Variants in KCNIP4 observed in about 807,000 individuals in gnomAD.
KCNIP4 encodes the protein Kv channel-interacting protein 4.
Under a neutral mutation model 34.0 loss-of-function variants are expected in KCNIP4, and 12 were observed. The ratio of observed to expected loss-of-function variants is 0.35; its 90% CI spans 0.23 to 0.57. The LOEUF (loss-of-function observed/expected upper bound fraction) is 0.57, where lower values mean the gene tolerates loss of function less well. KCNIP4 is among the 20% of genes least tolerant of loss of function. The pLI, the probability that KCNIP4 is intolerant of heterozygous loss-of-function variation, is 0.83. For synonymous variants in KCNIP4, 124 were observed against 102.2 expected (o/e 1.21, Z -1.29); for missense variants, 238 against 311.7 (o/e 0.76, Z 1.78).
chr4:21,357,669 A>G (rs1185794823), intron 1 of KCNIP4, among the ~76,000 whole-genome samples: 1 of 152,326 alleles, frequency 6.6e-6, no homozygotes, highest in East Asian at 1.9e-4. Flanking sequence ...TCAGGAAACA[A>G]CAGATGCTGG....
At position 21,543,502 on chromosome 4, in the gene KCNIP4, G is replaced by A. The variant is rs534626640; in HGVS notation, c.61+405069C>T. The stretch of plus-strand genomic sequence containing the variant: ...AATTTGCTCTACAATAGAGGTATTA[G>A]ATGATGTAAGTAAACTTCAAAGCCA... On this transcript the variant is annotated intron_variant, in intron 1 of 8. Coordinates refer to ENST00000382152, the MANE Select transcript of KCNIP4 (RefSeq NM_025221.6). Among the ~76,000 whole-genome samples, 18 of 152,094 alleles carry A rather than the reference G, an allele frequency of 1.2e-4. No individual in the cohort carries two copies. In the East Asian group the frequency reaches 3.5e-3, roughly 29 times the overall value.
At chr4:21,265,671 A>T (rs950771774) in intron 1 of KCNIP4, among the ~76,000 whole-genome samples, 5 of 152,194 alleles carry the variant, frequency 3.3e-5, no homozygotes, top group African/African-American at 1.2e-4. Flanking sequence ...TCTGAGGCAA[A>T]GAGATAGAAT....
intron 1 of KCNIP4, among the ~76,000 whole-genome samples, chr4:21,173,948 C>A (rs2162080): frequency 6.6e-6 from 1 of 152,128 alleles, no homozygotes; most frequent in African/African-American, 2.4e-5. Flanking sequence ...TCTCTGCACA[C>A]CCCACTCCTT....
At chr4:21,442,906 A>G (rs977190631) in intron 1 of KCNIP4, among the ~76,000 whole-genome samples, 7 of 152,196 alleles carry the variant, frequency 4.6e-5, no homozygotes, top group African/African-American at 1.7e-4. Context: ...TAACATGACC[A>G]CAGCCAAACT....
intron 1 of KCNIP4, among the ~76,000 whole-genome samples, chr4:21,681,094 G>A (rs1750304856): frequency 1.3e-5 from 2 of 151,706 alleles, no homozygotes; most frequent in African/African-American, 4.8e-5. Context: ...TTTATTTTTT[G>A]ATACAGGGTC....
At chr4:20,969,466 G>A (rs1474605308) in intron 1 of KCNIP4, among the ~76,000 whole-genome samples, 1 of 152,140 alleles carries the variant, frequency 6.6e-6, no homozygotes. Context: ...TGACACTGCA[G>A]TGACCCAAAC....
chr4:21,848,458 C>G (rs1724160511), intron 1 of KCNIP4: 1 of 152,094 alleles, frequency 6.6e-6, no homozygotes, highest in Admixed American at 6.6e-5. Context: ...CACATTAACA[C>G]CTTTCTCATG....
At chr4:20,990,860 G>C (rs1737022657) in intron 1 of KCNIP4, among the ~76,000 whole-genome samples, 1 of 152,046 alleles carries the variant, frequency 6.6e-6, no homozygotes, top group Non-Finnish European at 1.5e-5. Context: ...TGGCTTTAAG[G>C]CCGTGATTCT....
intron 1 of KCNIP4, among the ~76,000 whole-genome samples, chr4:21,535,673 C>T (rs181925775): frequency 1.2e-3 from 186 of 152,238 alleles, no homozygotes; most frequent in African/African-American, 4.2e-3. Context: ...CTTAATCCTG[C>T]GTTTTAAAAA....
rs1039478512 is a variant in KCNIP4, at chr4:21,121,747, T to C, written c.62-239038A>G. 5.9e-5 allele frequency among the ~76,000 whole-genome samples: 9 copies of C among 152,194 alleles called. No homozygotes were observed. The East Asian group carries it at 1.3e-3, about 23-fold the overall frequency. ...TGCCCAAAACATAACCTTTTGCTTA[T>C]CTAGGTTAATTATGCAGGTAGATTC... On this transcript the variant is annotated intron_variant, in intron 1 of 8. Coordinates refer to ENST00000382152, the MANE Select transcript of KCNIP4 (RefSeq NM_025221.6).
intron 4 of KCNIP4, among the ~76,000 whole-genome samples, chr4:20,756,346 C>T (rs906379518): frequency 7.9e-5 from 12 of 152,116 alleles, no homozygotes; most frequent in African/African-American, 2.9e-4. Context: ...TCATGGACTC[C>T]ACTATCCCAT....
intron 1 of KCNIP4, among the ~76,000 whole-genome samples, chr4:20,960,714 G>T (rs1004082305): frequency 7.9e-5 from 12 of 152,132 alleles, no homozygotes; most frequent in African/African-American, 2.4e-4. Flanking sequence ...ACAAAGTGCT[G>T]GTGTTTTAGG....
intron 1 of KCNIP4, among the ~76,000 whole-genome samples, chr4:21,414,480 G>C (rs994470128): frequency 6.6e-6 from 1 of 152,156 alleles, no homozygotes; most frequent in Non-Finnish European, 1.5e-5. Flanking sequence ...TCAGGCTCCT[G>C]TGGAAATACC....
intron 1 of KCNIP4, among the ~76,000 whole-genome samples, chr4:21,826,144 T>C (rs990020348): frequency 1.3e-5 from 2 of 152,194 alleles, no homozygotes; most frequent in African/African-American, 4.8e-5. Context: ...GGGCAGAGTA[T>C]GTAGCATTTT....
intron 1 of KCNIP4, among the ~76,000 whole-genome samples, chr4:20,936,619 C>G (rs978361346): frequency 6.6e-6 from 1 of 152,116 alleles, no homozygotes; most frequent in Non-Finnish European, 1.5e-5. Flanking sequence ...TGTCCATACT[C>G]AGACTGTACA....
intron 1 of KCNIP4, among the ~76,000 whole-genome samples, chr4:20,949,845 C>G (rs1310812107): frequency 3.1e-5 from 3 of 97,836 alleles, no homozygotes; most frequent in Admixed American, 1.6e-4. Context: ...ACGTCACACT[C>G]TGGGGACGGT....
At chr4:21,770,974 T>C (rs1469148513) in intron 1 of KCNIP4, among the ~76,000 whole-genome samples, 2 of 152,234 alleles carry the variant, frequency 1.3e-5, no homozygotes, top group East Asian at 3.8e-4. Flanking sequence ...ATTTTGGCTT[T>C]TGTTGCAATT....
chr4:21,370,826 TATATATATATATATATATATATATAC>T (rs1327387444), intron 1 of KCNIP4, among the ~76,000 whole-genome samples: 4 of 30,920 alleles, frequency 1.3e-4, no homozygotes, highest in African/African-American at 7.6e-4. Context: ...TATATATATA[TATATATATATATATATATATATATAC>T]ACACACACAC....
chr4:20,753,873 T>G (rs1754057856), intron 4 of KCNIP4, among the ~76,000 whole-genome samples: 3 of 151,652 alleles, frequency 2.0e-5, no homozygotes. Flanking sequence ...TAAAAAATGT[T>G]TATTGACAGA....
Sources: gnomAD v4.1 joint callset for allele counts (sites outside exome capture counted in the v4.1 genomes callset) on GRCh38, gnomAD v4.1.1 for gene constraint, MANE v1.5 for transcripts, NCBI Gene and HGNC (gene_info 2026-07-23, HGNC 2026-07-21) for gene names.